BCKDHB: variants seen among roughly 807,000 people sequenced by gnomAD.
BCKDHB encodes 2-oxoisovalerate dehydrogenase subunit beta, mitochondrial.
In BCKDHB, 41 loss-of-function variants were observed where a neutral mutation model predicts 48.5. The ratio of observed to expected loss-of-function variants is 0.85; its 90% CI spans 0.66 to 1.10. BCKDHB has a LOEUF of 1.10. Among genes scored for constraint, BCKDHB ranks in the 50% least tolerant of loss-of-function variants. The pLI, the probability that BCKDHB is intolerant of heterozygous loss-of-function variation, is 0.00. For synonymous variants in BCKDHB, 201 were observed against 174.8 expected (o/e 1.15, Z -1.18); for missense variants, 496 against 494.2 (o/e 1.00, Z -0.03).
the BCKDHB span, among the ~76,000 whole-genome samples, chr6:80,408,897 T>C: frequency 1.3e-5 from 2 of 152,102 alleles, no homozygotes; most frequent in Non-Finnish European, 2.9e-5. Flanking sequence ...ATCTTAGTTA[T>C]TTCTTGCCTC....
At chr6:80,172,189 C>G (rs1039917189) in intron 6 of BCKDHB, among the ~76,000 whole-genome samples, 27 of 151,998 alleles carry the variant, frequency 1.8e-4, no homozygotes, top group African/African-American at 6.5e-4. Context: ...TTGCTTGTAT[C>G]AGTAGTTTAT....
At chr6:80,249,706 A>G (rs1450594472) in intron 8 of BCKDHB, among the ~76,000 whole-genome samples, 1 of 152,154 alleles carries the variant, frequency 6.6e-6, no homozygotes, top group Admixed American at 6.6e-5. Context: ...GAATTTTGTA[A>G]TAGTGATTTG....
chr6:80,368,174 C>T, the BCKDHB span, among the ~76,000 whole-genome samples: 893 of 152,250 alleles, frequency 5.9e-3, 10 homozygotes, highest in African/African-American at 0.02. Flanking sequence ...CCAGTTTTTC[C>T]CAGCCTCTGA....
At chr6:80,399,865 G>T in the BCKDHB span, among the ~76,000 whole-genome samples, 38 of 152,046 alleles carry the variant, frequency 2.5e-4, no homozygotes, top group South Asian at 3.1e-3. Flanking sequence ...AAACAACATG[G>T]TATTGGTACA....
At chr6:80,151,737 C>G (rs1771789978) in intron 3 of BCKDHB, among the ~76,000 whole-genome samples, 1 of 152,034 alleles carries the variant, frequency 6.6e-6, no homozygotes, top group Admixed American at 6.6e-5. Context: ...ATATTGTTCC[C>G]TTTGTTTCTG....
chr6:80,271,256 A>G (rs1465188896), intron 8 of BCKDHB, among the ~76,000 whole-genome samples: 3 of 152,090 alleles, frequency 2.0e-5, no homozygotes, highest in African/African-American at 7.2e-5. Flanking sequence ...CTGTCTTTAC[A>G]TGTCCTTAGT....
At chr6:80,419,427 T>C in the BCKDHB span, among the ~76,000 whole-genome samples, 77 of 152,190 alleles carry the variant, frequency 5.1e-4, no homozygotes, top group Admixed American at 7.2e-4. Flanking sequence ...GAGCTGCTTG[T>C]GTCAGACTGA....
At chr6:80,150,080 C>G (rs777756154) in intron 3 of BCKDHB, among the ~76,000 whole-genome samples, 2 of 152,132 alleles carry the variant, frequency 1.3e-5, no homozygotes, top group Non-Finnish European at 2.9e-5. Flanking sequence ...TGCACCCACA[C>G]TACCCACCAG....
intron 3 of BCKDHB, among the ~76,000 whole-genome samples, chr6:80,146,751 G>T (rs1467911039): frequency 1.3e-5 from 2 of 152,148 alleles, no homozygotes; most frequent in Non-Finnish European, 2.9e-5. Flanking sequence ...AGAATAGGGA[G>T]AATTGGTTGA....
At chr6:80,107,183 G>T (rs1009253795) in intron 1 of BCKDHB, among the ~76,000 whole-genome samples, 1 of 151,588 alleles carries the variant, frequency 6.6e-6, no homozygotes, top group Admixed American at 6.6e-5. Flanking sequence ...CCCAGGGAAC[G>T]CCTCCCTTTT....
At chr6:80,321,114 T>TAGG (rs1768692644) in intron 9 of BCKDHB, among the ~76,000 whole-genome samples, 1 of 151,924 alleles carries the variant, frequency 6.6e-6, no homozygotes, top group Non-Finnish European at 1.5e-5. Flanking sequence ...GACAATATAG[T>TAGG]TCATCTAGGG....
chr6:80,263,805 G>T (rs183435565), intron 8 of BCKDHB, among the ~76,000 whole-genome samples: 8 of 152,168 alleles, frequency 5.3e-5, no homozygotes, highest in African/African-American at 1.7e-4. Context: ...TCTTGGTTTT[G>T]GTTAGGGTCA....
the BCKDHB span, among the ~76,000 whole-genome samples, chr6:80,391,026 A>G: frequency 3.9e-5 from 6 of 152,272 alleles, no homozygotes; most frequent in East Asian, 9.7e-4. Context: ...CTGCCCTTGA[A>G]CATTGGACTC....
intron 8 of BCKDHB, among the ~76,000 whole-genome samples, chr6:80,220,385 A>G (rs180887258): frequency 1.9e-3 from 107 of 56,846 alleles, no homozygotes; most frequent in African/African-American, 5.9e-3. Flanking sequence ...TCTATAGATT[A>G]TCTCTGTTTC....
intron 1 of BCKDHB, among the ~76,000 whole-genome samples, chr6:80,113,106 A>G (rs1365844299): frequency 1.3e-5 from 2 of 152,390 alleles, no homozygotes; most frequent in East Asian, 1.9e-4. Context: ...ATAATTTGGC[A>G]TAAGAACCCT....
In BCKDHB at chr6:80,181,564, G is replaced by A. The variant is rs147391229; in HGVS notation, c.742+10174G>A. Among the ~76,000 whole-genome samples the A allele has an allele frequency of 1.7e-3, 265 of 152,226 alleles. 1 individual carries two copies. Among genetic ancestry groups the A allele is most frequent in the African/African-American group, 6.0e-3 (251 of 41,526 alleles). ...CTATAGTCAGTTGTAGGTCAGGTGT[G>A]GGTTGGATTTGCTGATTTTAGTTGG... is the stretch of plus-strand genomic sequence containing the variant. On this transcript the variant is annotated intron_variant, in intron 6 of 9. Transcript: ENST00000320393.
At chr6:80,250,144 G>A (rs142655082) in intron 8 of BCKDHB, among the ~76,000 whole-genome samples, 1 of 151,952 alleles carries the variant, frequency 6.6e-6, no homozygotes. Context: ...GACCTCTGCC[G>A]GCCTCCCCAA....
chr6:80,108,461 C>A (rs183690093), intron 1 of BCKDHB, among the ~76,000 whole-genome samples: 127 of 149,720 alleles, frequency 8.5e-4, no homozygotes, highest in African/African-American at 3.0e-3. Flanking sequence ...AAAATGATAT[C>A]ATGTTATCAT....
At chr6:80,124,874 G>A (rs1017848862) in intron 1 of BCKDHB, among the ~76,000 whole-genome samples, 11 of 152,186 alleles carry the variant, frequency 7.2e-5, no homozygotes, top group African/African-American at 2.7e-4. Flanking sequence ...AACAGGCAGA[G>A]TGGATTTAGC....
Sources: allele counts gnomAD v4.1 joint callset (sites outside exome capture counted in the v4.1 genomes callset), GRCh38; gene constraint gnomAD v4.1.1; transcripts MANE v1.5; gene names NCBI Gene and HGNC (gene_info 2026-07-23, HGNC 2026-07-21).